FAT1: variants seen among roughly 807,000 people sequenced by gnomAD.
FAT1 encodes FAT atypical cadherin 1.
In FAT1, 171 loss-of-function variants were observed where a neutral mutation model predicts 329.8. That is an observed-to-expected ratio of 0.52 (90% CI 0.46 to 0.59). The LOEUF (loss-of-function observed/expected upper bound fraction) is 0.59, where lower values mean the gene tolerates loss of function less well. FAT1 is among the 20% of genes least tolerant of loss of function. The pLI is 0.00. For synonymous variants in FAT1, 2,233 were observed against 2,228.6 expected, an observed-to-expected ratio of 1.00 and a Z score of -0.06; for missense variants, 5,672 against 5,774.4, an observed-to-expected ratio of 0.98 and a Z score of 0.57.
chr4:186,593,138 G>A lies in FAT1; in HGVS notation c.13138+2551C>T, dbSNP rs192179821. 5.8e-4 allele frequency among the ~76,000 whole-genome samples: 89 copies of A among 152,170 alleles called. 1 individual carries two copies. Among genetic ancestry groups the A allele is most frequent in the African/African-American group, 1.8e-3 (75 of 41,520 alleles). ...ACAGTCTGTGGTTCGCCACTCTTCC[G>A]GCTGCTTAATCACTCACACATTGTC... On this transcript the variant is annotated intron_variant, in intron 26 of 26. Coordinates refer to ENST00000441802, the MANE Select transcript of FAT1 (RefSeq NM_005245.4).
chr4:186,669,748 C>A (rs1742645175), intron 2 of FAT1, among the ~76,000 whole-genome samples: 1 of 152,136 alleles, frequency 6.6e-6, no homozygotes, highest in Non-Finnish European at 1.5e-5. Context: ...GAGCTCACAG[C>A]AAAATTTCTG....
intron 24 of FAT1, 81 bp downstream of exon 24, chr4:186,597,601 T>A (rs1738593084): frequency 1.1e-6 from 1 of 922,080 alleles, no homozygotes; most frequent in African/African-American, 1.6e-5. Flanking sequence ...GTAGTTCAAA[T>A]CACTGAAGGT....
intron 6 of FAT1, among the ~76,000 whole-genome samples, chr4:186,634,189 A>G (rs1336446042): frequency 1.3e-5 from 2 of 152,230 alleles, no homozygotes; most frequent in East Asian, 3.8e-4. Flanking sequence ...TTACTTACTA[A>G]CAAAACTTTC....
rs1465761084 is a variant in FAT1 at position 186,600,315 on chromosome 4, G to T, written c.11686C>A (p.Pro3896Thr). Residue 3896 changes from proline to threonine, a missense_variant, in exon 22 of 27, where the codon CCT becomes ACT. Physicochemically the swap from Pro to Thr is conservative, Grantham distance 38 (BLOSUM62 -1). Around this residue, in one of 2 missense-constraint regions of FAT1, gnomAD observed 1,706 missense variants for 1,859.1 expected, o/e 0.92. Transcript: ENST00000441802. ...ATGCTCTGAACAGAGACAATTCCAGGGCCACTTCCACAGTCAAACTTGTAC... is the reference window on the plus strand; with the variant it reads ...ATGCTCTGAACAGAGACAATTCCAGTGCCACTTCCACAGTCAAACTTGTAC... ...LQYKFDCGSGPGIVSVQSIQV... is the reference protein window; with the variant it reads ...LQYKFDCGSGTGIVSVQSIQV... The T allele has an allele frequency of 6.2e-7, 1 of 1,613,578 alleles. No homozygotes were observed. Among genetic ancestry groups the T allele is most frequent in the Non-Finnish European group, 8.5e-7 (1 of 1,179,766 alleles).
intron 7 of FAT1, among the ~76,000 whole-genome samples, 154 bp from the exon 8 acceptor site, chr4:186,628,917 T>C (rs1351101817): frequency 6.6e-6 from 1 of 152,208 alleles, no homozygotes; most frequent in Non-Finnish European, 1.5e-5. Context: ...ATACATTTCT[T>C]AAAACATTTC....
chr4:186,628,529 G>A lies in FAT1; in HGVS notation c.4558C>T (p.Leu1520=), dbSNP rs778744517. The stretch of plus-strand genomic sequence containing the variant: ...TGCTGGTGAACAGCTTCATGATCCA[G>A]TTTCTCAGAAGTATAGAGAGAGCCG... ...ATGSLYTSEK[L]DHEAVHQHTL... Residue 1520 remains leucine (L), a synonymous_variant, in exon 8 of 27, where the codon CTG becomes TTG. Coordinates refer to ENST00000441802, the MANE Select transcript of FAT1 (RefSeq NM_005245.4). The A allele has an allele frequency of 1.9e-6, 3 of 1,614,008 alleles. No individual in the cohort carries two copies. The highest frequency in any genetic ancestry group is 2.2e-5 in the South Asian group (2 of 91,084).
At chr4:186,665,993 A>C (rs1405594469) in intron 2 of FAT1, among the ~76,000 whole-genome samples, 1 of 137,316 alleles carries the variant, frequency 7.3e-6, no homozygotes, top group Admixed American at 8.3e-5. Context: ...CAATGAGAAC[A>C]CATGGACACA....
chr4:186,597,018 C>T lies in FAT1; in HGVS notation c.12522G>A (p.Pro4174=), dbSNP rs72716245. The T allele has an allele frequency of 4.6e-3, 7,452 of 1,614,004 alleles. 22 individuals carry two copies. The highest frequency in any genetic ancestry group is 5.9e-3 in the South Asian group (535 of 91,084). The change falls in exon 25 of 27, where the codon CCG becomes CCA. Residue 4174 remains proline (P), a synonymous_variant. Transcript: ENST00000441802. ...DAAPNQYVST[P]WNIGLAEGIG... ...TTCCTTCCGCCAACCCAATGTTCCA[C>T]GGCGTGGACACATACTGGTTGGGCG...
In FAT1 at chr4:186,614,287, T is replaced by C. The variant is rs2126478946; in HGVS notation, c.9133A>G (p.Ile3045Val). The C allele has an allele frequency of 6.3e-7, 1 of 1,593,314 alleles. No homozygotes were observed. Among genetic ancestry groups the C allele is most frequent in the South Asian group, 1.2e-5 (1 of 86,386 alleles). ...DVLPGKLIMQ[I>V]SATDADIRSN... ...CGGATGTCTGCGTCTGTAGCAGAGATCTGCATGATCAATTTTCCAGGAAGG... is the reference window on the plus strand; with the variant it reads ...CGGATGTCTGCGTCTGTAGCAGAGACCTGCATGATCAATTTTCCAGGAAGG... The change falls in exon 12 of 27, where the codon ATC (isoleucine) becomes GTC (valine). Residue 3045 changes from isoleucine to valine, a missense_variant. Physicochemically the swap from Ile to Val is conservative, Grantham distance 29. Coordinates refer to ENST00000441802, the MANE Select transcript of FAT1 (RefSeq NM_005245.4).
chr4:186,601,768 A>G (rs1326699514), intron 20 of FAT1: 2 of 175,214 alleles, frequency 1.1e-5, no homozygotes, highest in African/African-American at 4.7e-5. Flanking sequence ...TTCTCAAGCA[A>G]AATAAAACAA....
intron 2 of FAT1, among the ~76,000 whole-genome samples, chr4:186,672,318 C>T (rs1031561679): frequency 1.8e-4 from 27 of 151,872 alleles, no homozygotes; most frequent in African/African-American, 6.0e-4. Flanking sequence ...AAGAAGCATC[C>T]CTCGTGGGCC....
At position 186,707,513 on chromosome 4, in the gene FAT1, C is replaced by T. The variant is rs2126689181; in HGVS notation, c.2315G>A (p.Gly772Glu). ...DSCFMIDMET[G>E]MLKILSPLDR... ...AAGAGGAGATAAAATTTTCAGCATT[C>T]CTGTTTCCATATCAATCATGAAGCA... The change falls in exon 2 of 27, where the codon GGA becomes GAA. Residue 772 changes from glycine to glutamate, a missense_variant. By Grantham distance (98) the Gly-to-Glu change is moderately conservative (BLOSUM62 -2). This residue lies in a region of FAT1 where 3,966 missense variants were observed against 3,915.2 expected (regional missense o/e 1.01). Coordinates refer to ENST00000441802, the MANE Select transcript of FAT1 (RefSeq NM_005245.4). The T allele has an allele frequency of 6.2e-7, 1 of 1,613,978 alleles. No individual in the cohort carries two copies. Among genetic ancestry groups the T allele is most frequent in the Non-Finnish European group, 8.5e-7 (1 of 1,179,894 alleles).
At chr4:186,640,513 A>C (rs1741042157) in intron 3 of FAT1, among the ~76,000 whole-genome samples, 1 of 152,224 alleles carries the variant, frequency 6.6e-6, no homozygotes, top group African/African-American at 2.4e-5. Flanking sequence ...GGACTATTGA[A>C]AATAAAGTGT....
At chr4:186,633,196 A>G (rs1363968709) in intron 7 of FAT1, among the ~76,000 whole-genome samples, 1 of 152,172 alleles carries the variant, frequency 6.6e-6, no homozygotes. Flanking sequence ...AAATCCCCAT[A>G]ATCTGGCCAT....
intron 13 of FAT1, among the ~76,000 whole-genome samples, chr4:186,612,600 C>T (rs561111238): frequency 6.6e-6 from 1 of 152,198 alleles, no homozygotes; most frequent in Non-Finnish European, 1.5e-5. Context: ...ATCCAAAAAT[C>T]CAAAAATACT....
In FAT1 at chr4:186,621,412, AGGGCTTTCT is replaced by A. The variant is rs745450356; in HGVS notation, c.5165_5173del (p.Gln1722_Ala1724del). 1 of 1,614,010 alleles carries A rather than the reference AGGGCTTTCT, an allele frequency of 6.2e-7. No individual in the cohort carries two copies. Among genetic ancestry groups the A allele is most frequent in the South Asian group, 1.1e-5 (1 of 91,072 alleles). On this transcript the variant is annotated inframe_deletion, in exon 10 of 27. Coordinates refer to ENST00000441802, the MANE Select transcript of FAT1 (RefSeq NM_005245.4). ...GTAAATGGGCAAAGTTTCAAAGTCC[AGGGCTTTCT>A]GAGTGATGATAGTTCCAGAATGTGG...
chr4:186,724,641 G>C (rs1472216538), upstream of FAT1, among the ~76,000 whole-genome samples: 1 of 152,144 alleles, frequency 6.6e-6, no homozygotes, highest in Non-Finnish European at 1.5e-5. This position sits in a 1 kb window ranked among gnomAD's most constrained non-coding sequence, Gnocchi z 5.3. Context: ...AGCCCGCTCC[G>C]AGAACTCCCC....
At chr4:186,595,021 T>C (rs1157855852) in intron 26 of FAT1, among the ~76,000 whole-genome samples, 1 of 152,158 alleles carries the variant, frequency 6.6e-6, no homozygotes, top group Non-Finnish European at 1.5e-5. Context: ...TACTGGTATG[T>C]GTTAATATGG....
At chr4:186,604,248 C>A (rs1170816183) in intron 18 of FAT1, 129 bp downstream of exon 18, 3 of 808,886 alleles carry the variant, frequency 3.7e-6, no homozygotes, top group Non-Finnish European at 5.7e-6. Context: ...TGGCAAAAAA[C>A]AAAGACAGCA....
Sources: allele counts gnomAD v4.1 joint callset (sites outside exome capture counted in the v4.1 genomes callset), GRCh38; gene constraint gnomAD v4.1.1; regional missense constraint gnomAD v4.1.1; non-coding constraint Gnocchi (gnomAD v3.1); transcripts MANE v1.5; gene names NCBI Gene and HGNC (gene_info 2026-07-23, HGNC 2026-07-21).